RIMS1: variants seen among roughly 807,000 people sequenced by gnomAD.
The protein encoded by RIMS1 is regulating synaptic membrane exocytosis protein 1.
RIMS1 carries 83 observed loss-of-function variants against 214.1 expected under a neutral mutation model. That is an observed-to-expected ratio of 0.39 (90% CI 0.32 to 0.47). The LOEUF (loss-of-function observed/expected upper bound fraction) is 0.47. Ranked by LOEUF, RIMS1 falls within the 20% of genes least tolerant of loss-of-function variation. The probability of loss-of-function intolerance (pLI) is 0.99; values close to 1 mark genes in which losing one functional copy is unlikely to be tolerated. For missense variants in RIMS1, 2,050 were observed against 2,161.8 expected, an observed-to-expected ratio of 0.95 and a Z score of 1.03; for synonymous variants, 793 against 786.8, an observed-to-expected ratio of 1.01 and a Z score of -0.13.
intron 6 of RIMS1, among the ~76,000 whole-genome samples, chr6:72,208,280 G>T (rs1159676829): frequency 6.6e-6 from 1 of 152,136 alleles, no homozygotes; most frequent in Non-Finnish European, 1.5e-5. Context: ...TTTATAGACT[G>T]AATTTATATT....
rs1446600885 is a variant in RIMS1 at position 72,182,994 on chromosome 6, C to T, written c.1523C>T (p.Ser508Leu). ...TCTTTGAGCTCAGACCAGTCCGAGT[C>T]GGTGCGGCCGTCCCCGCCCAAGCCG... is the stretch of plus-strand genomic sequence containing the variant. ...NDSLSSDQSESVRPSPPKPHR... is the reference protein window; with the variant it reads ...NDSLSSDQSELVRPSPPKPHR... Residue 508 changes from serine (S) to leucine (L), a missense_variant, in exon 6 of 34, where the codon TCG (serine) becomes TTG (leucine). Coordinates refer to ENST00000521978, the MANE Select transcript of RIMS1 (RefSeq NM_014989.7). 1.3e-6 allele frequency: 2 copies of T among 1,593,270 alleles called. No homozygotes were observed. Among genetic ancestry groups the T allele is most frequent in the South Asian group, 1.1e-5 (1 of 87,686 alleles).
intron 4 of RIMS1, among the ~76,000 whole-genome samples, chr6:72,110,538 T>C (rs534115498): frequency 6.8e-6 from 1 of 148,090 alleles, no homozygotes; most frequent in Non-Finnish European, 1.5e-5. Context: ...CTTGTGATTT[T>C]TGTACATTGA....
At chr6:72,061,098 T>C (rs544720089) in intron 2 of RIMS1, among the ~76,000 whole-genome samples, 10 of 152,334 alleles carry the variant, frequency 6.6e-5, no homozygotes, top group Non-Finnish European at 1.3e-4. Flanking sequence ...TAGAGCCTTG[T>C]ATATAATCAA....
intron 2 of RIMS1, among the ~76,000 whole-genome samples, chr6:72,025,359 A>T (rs914899179): frequency 6.6e-6 from 1 of 152,204 alleles, no homozygotes; most frequent in Non-Finnish European, 1.5e-5. Context: ...AAGTGAAGGG[A>T]TTTACTCACA....
At chr6:72,052,294 C>T (rs557073883) in intron 2 of RIMS1, among the ~76,000 whole-genome samples, 33 of 152,232 alleles carry the variant, frequency 2.2e-4, no homozygotes, top group East Asian at 5.8e-4. Flanking sequence ...TATTTTCCAT[C>T]GTAAGTCAGG....
intron 29 of RIMS1, among the ~76,000 whole-genome samples, chr6:72,384,953 G>A (rs1387848159): frequency 6.6e-6 from 1 of 152,202 alleles, no homozygotes; most frequent in African/African-American, 2.4e-5. Context: ...AAGAGAGAAA[G>A]AGTTCACCTG....
chr6:72,061,825 C>A (rs1478753055), intron 2 of RIMS1, among the ~76,000 whole-genome samples: 2 of 152,170 alleles, frequency 1.3e-5, no homozygotes, highest in East Asian at 3.8e-4. Context: ...ATTTATAACA[C>A]AATAACATTT....
At chr6:72,290,301 A>C (rs144651347) in intron 24 of RIMS1, among the ~76,000 whole-genome samples, 1 of 152,090 alleles carries the variant, frequency 6.6e-6, no homozygotes, top group South Asian at 2.1e-4. Context: ...AATTACAGTC[A>C]CTCATTCAAG....
chr6:72,214,319 TAATA>T (rs2054771812), intron 6 of RIMS1, among the ~76,000 whole-genome samples: 1 of 152,108 alleles, frequency 6.6e-6, no homozygotes, highest in African/African-American at 2.4e-5. Context: ...AGAAAATACT[TAATA>T]AATCCAAACA....
At chr6:72,061,131 CT>C (rs938795242) in intron 2 of RIMS1, among the ~76,000 whole-genome samples, 5 of 151,884 alleles carry the variant, frequency 3.3e-5, no homozygotes, top group East Asian at 1.9e-4. Context: ...CTTATTTAAT[CT>C]TTTTTTTCCA....
chr6:72,181,742 C>A (rs2048432932), intron 5 of RIMS1, among the ~76,000 whole-genome samples: 1 of 152,146 alleles, frequency 6.6e-6, no homozygotes, highest in Admixed American at 6.5e-5. Flanking sequence ...TTGAAAGAGA[C>A]ACTGTTTATT....
Position 72,097,119 on chromosome 6 carries a change from T to A in RIMS1, c.416T>A (p.Phe139Tyr). Residue 139 changes from phenylalanine to tyrosine, a missense_variant, in exon 3 of 34, where the codon TTC becomes TAC. Physicochemically the swap from Phe to Tyr is conservative, Grantham distance 22 (BLOSUM62 3). Around this residue, in one of 6 missense-constraint regions of RIMS1, gnomAD observed 882 missense variants for 828.9 expected, o/e 1.06. Coordinates refer to ENST00000521978, the MANE Select transcript of RIMS1 (RefSeq NM_014989.7). ...CTCTGCTCCTATTGTCGCACTAAGT[T>A]CTGTGCGCGCTGCGGAGGCCGCGTG... ...GHLCSYCRTK[F>Y]CARCGGRVSL... 1 of 1,613,976 alleles carries A rather than the reference T, an allele frequency of 6.2e-7. No individual in the cohort carries two copies. Among genetic ancestry groups the A allele is most frequent in the Non-Finnish European group, 8.5e-7 (1 of 1,179,874 alleles).
At chr6:72,278,605 T>C (rs2088091059) in intron 23 of RIMS1, among the ~76,000 whole-genome samples, 1 of 152,164 alleles carries the variant, frequency 6.6e-6, no homozygotes, top group African/African-American at 2.4e-5. Context: ...GTACATTACT[T>C]ATTATTTCTT....
chr6:71,896,637 C>T (rs1406813560), intron 1 of RIMS1, among the ~76,000 whole-genome samples: 4 of 152,082 alleles, frequency 2.6e-5, no homozygotes, highest in Non-Finnish European at 4.4e-5. Flanking sequence ...ATATGACATA[C>T]GCACTTTGGG....
chr6:72,252,700 C>A, intron 15 of RIMS1, 61 bp from the exon 16 acceptor site: 1 of 1,389,320 alleles, frequency 7.2e-7, no homozygotes, highest in Non-Finnish European at 1.0e-6. Context: ...TTTGACAGTG[C>A]TCTTTACGTT....
chr6:72,334,376 A>G (rs1420558255), intron 29 of RIMS1, among the ~76,000 whole-genome samples: 2 of 152,012 alleles, frequency 1.3e-5, no homozygotes, highest in Admixed American at 6.6e-5. Context: ...GCAAGGAGTA[A>G]TGTTTTAATA....
intron 4 of RIMS1, among the ~76,000 whole-genome samples, chr6:72,167,903 AT>A (rs10544711): frequency 0.28 from 42,694 of 150,814 alleles, 6,917 homozygotes; most frequent in Non-Finnish European, 0.37. Flanking sequence ...TCTAGGTTTT[AT>A]TTTTTTTTTT....
chr6:72,384,745 T>A (rs2098555170), intron 29 of RIMS1, among the ~76,000 whole-genome samples: 1 of 152,262 alleles, frequency 6.6e-6, no homozygotes, highest in Non-Finnish European at 1.5e-5. Context: ...TCTATCTTTC[T>A]AGCCTTGACC....
intron 26 of RIMS1, among the ~76,000 whole-genome samples, chr6:72,302,309 C>T (rs983441325): frequency 6.6e-6 from 1 of 151,514 alleles, no homozygotes; most frequent in Admixed American, 6.6e-5. Context: ...AAACTGTGGG[C>T]AGAGACTAGT....
Sources: gnomAD v4.1 joint callset for allele counts (sites outside exome capture counted in the v4.1 genomes callset) on GRCh38, gnomAD v4.1.1 for gene constraint, gnomAD v4.1.1 regional missense constraint, MANE v1.5 for transcripts, NCBI Gene and HGNC (gene_info 2026-07-23, HGNC 2026-07-21) for gene names.